Variants in GRID2 observed in about 807,000 individuals in gnomAD.
GRID2 encodes the protein glutamate receptor ionotropic, delta-2.
GRID2 carries 33 observed loss-of-function variants against 114.8 expected under a neutral mutation model. The ratio of observed to expected loss-of-function variants is 0.29; its 90% confidence interval spans 0.22 to 0.38. GRID2 has a LOEUF of 0.38. GRID2 is among the 10% of genes least tolerant of loss of function. The pLI, the probability that GRID2 is intolerant of heterozygous loss-of-function variation, is 1.00. For synonymous variants in GRID2, 505 were observed against 449.9 expected (o/e 1.12, Z -1.55); for missense variants, 1,184 against 1,257.7 (o/e 0.94, Z 0.89).
intron 14 of GRID2, among the ~76,000 whole-genome samples, chr4:93,666,032 C>G (rs1239430576): frequency 6.6e-6 from 1 of 152,078 alleles, no homozygotes; most frequent in African/African-American, 2.4e-5. Flanking sequence ...TGACCACAAG[C>G]CCCTGAAGGG....
At chr4:93,763,496 T>C (rs1733383294) in intron 14 of GRID2, among the ~76,000 whole-genome samples, 1 of 152,184 alleles carries the variant, frequency 6.6e-6, no homozygotes, top group African/African-American at 2.4e-5. Flanking sequence ...AGAGGAAACA[T>C]ATTGATGAGA....
At chr4:92,446,417 G>C (rs1019195402) in intron 1 of GRID2, among the ~76,000 whole-genome samples, 3 of 152,228 alleles carry the variant, frequency 2.0e-5, no homozygotes, top group African/African-American at 7.2e-5. Context: ...AGAGAAGAGA[G>C]AGCAGAAAGT....
At chr4:92,693,679 G>C (rs1734292403) in intron 2 of GRID2, among the ~76,000 whole-genome samples, 1 of 152,276 alleles carries the variant, frequency 6.6e-6, no homozygotes, top group East Asian at 1.9e-4. Flanking sequence ...CTAAAACTCA[G>C]GATTTATAGC....
At chr4:92,960,754 T>C (rs1285531934) in intron 2 of GRID2, among the ~76,000 whole-genome samples, 3 of 151,808 alleles carry the variant, frequency 2.0e-5, no homozygotes, top group East Asian at 1.9e-4. Context: ...TATAGTTGGG[T>C]TAATATTTAT....
intron 9 of GRID2, among the ~76,000 whole-genome samples, chr4:93,398,133 G>GTGTGTGTGTGTATATATA: frequency 1.6e-5 from 2 of 122,328 alleles, no homozygotes; most frequent in African/African-American, 3.9e-5. Context: ...ATGTGTGTGT[G>GTGTGTGTGTGTATATATA]TATATATATA....
chr4:93,343,359 G>A (rs1411139654), intron 8 of GRID2, among the ~76,000 whole-genome samples: 1 of 152,086 alleles, frequency 6.6e-6, no homozygotes, highest in Non-Finnish European at 1.5e-5. Context: ...TAGTGTCATA[G>A]TAGTTGCATA....
At chr4:92,718,363 T>C (rs921382853) in intron 2 of GRID2, among the ~76,000 whole-genome samples, 6 of 152,088 alleles carry the variant, frequency 3.9e-5, no homozygotes, top group African/African-American at 9.7e-5. Flanking sequence ...AGGGTAATTA[T>C]GGAAATACAG....
chr4:93,247,672 T>C (rs1037810062), intron 8 of GRID2, among the ~76,000 whole-genome samples: 1 of 152,090 alleles, frequency 6.6e-6, no homozygotes, highest in Non-Finnish European at 1.5e-5. Context: ...ATAGCTAATC[T>C]TGGAACTTCT....
chr4:93,574,796 T>G (rs1276373354), intron 13 of GRID2, among the ~76,000 whole-genome samples: 1 of 152,180 alleles, frequency 6.6e-6, no homozygotes, highest in Non-Finnish European at 1.5e-5. Context: ...TTATAGTGCT[T>G]TATAAGTTGT....
At chr4:92,620,526 GT>G (rs1232134453) in intron 2 of GRID2, among the ~76,000 whole-genome samples, 1 of 151,676 alleles carries the variant, frequency 6.6e-6, no homozygotes, top group African/African-American at 2.4e-5. Flanking sequence ...AACTGGACAA[GT>G]ATACAATTAG....
At chr4:92,958,534 A>G (rs909995867) in intron 2 of GRID2, among the ~76,000 whole-genome samples, 1 of 152,072 alleles carries the variant, frequency 6.6e-6, no homozygotes, top group Admixed American at 6.6e-5. Context: ...TGGTCATGGC[A>G]TACAATTCTT....
intron 2 of GRID2, among the ~76,000 whole-genome samples, chr4:92,850,507 C>A (rs1743694065): frequency 6.6e-6 from 1 of 151,800 alleles, no homozygotes; most frequent in Non-Finnish European, 1.5e-5. Flanking sequence ...TTGCAGTGTT[C>A]ATACATAAAC....
intron 1 of GRID2, among the ~76,000 whole-genome samples, chr4:92,564,012 T>A (rs557598713): frequency 6.6e-6 from 1 of 152,236 alleles, no homozygotes; most frequent in South Asian, 2.1e-4. Context: ...TACATAACAT[T>A]CTTTCATCTA....
intron 8 of GRID2, among the ~76,000 whole-genome samples, chr4:93,371,909 G>A (rs780983304): frequency 2.0e-5 from 3 of 151,312 alleles, no homozygotes; most frequent in African/African-American, 4.9e-5. Flanking sequence ...CACCACACCC[G>A]GCTAATTTTT....
chr4:92,437,036 A>G (rs1252013331), intron 1 of GRID2, among the ~76,000 whole-genome samples: 5 of 152,216 alleles, frequency 3.3e-5, no homozygotes, highest in Admixed American at 2.0e-4. Context: ...AATTCTTAAA[A>G]TGTGAGTAAA....
At chr4:93,807,652 C>A (rs1006382585) in exon 2 of GRID2, 3 of 141,136 alleles carry the variant, frequency 2.1e-5, no homozygotes, top group Non-Finnish European at 3.3e-5. Context: ...TACTACCCAG[C>A]GCTAAGATAA....
chr4:92,723,265 G>A (rs1735898509), intron 2 of GRID2, among the ~76,000 whole-genome samples: 3 of 152,050 alleles, frequency 2.0e-5, no homozygotes, highest in South Asian at 4.1e-4. Flanking sequence ...TCTTAAAGTA[G>A]TGCTGATTTG....
chr4:93,173,270 G>A (rs1051088739), intron 4 of GRID2, among the ~76,000 whole-genome samples: 1 of 152,088 alleles, frequency 6.6e-6, no homozygotes, highest in Non-Finnish European at 1.5e-5. Context: ...GAAAAAAACA[G>A]TCTTTTTTCC....
intron 11 of GRID2, among the ~76,000 whole-genome samples, chr4:93,463,233 T>C (rs570993992): frequency 1.1e-3 from 162 of 152,320 alleles, no homozygotes; most frequent in African/African-American, 3.7e-3. Flanking sequence ...TGAAAGTGAA[T>C]GTTCAAATTC....
Sources: gnomAD v4.1 joint callset for allele counts (sites outside exome capture counted in the v4.1 genomes callset) on GRCh38, gnomAD v4.1.1 for gene constraint, MANE v1.5 for transcripts, NCBI Gene and HGNC (gene_info 2026-07-23, HGNC 2026-07-21) for gene names.